The following RAP1GDS1 variants were observed in gnomAD, a reference collection of about 807,000 sequenced individuals.
RAP1GDS1 encodes Rap1 GTPase-GDP dissociation stimulator 1.
Under a neutral mutation model 71.1 loss-of-function variants are expected in RAP1GDS1, and 35 were observed. The observed-to-expected ratio is 0.49, with a 90% CI of 0.38 to 0.65. The LOEUF (loss-of-function observed/expected upper bound fraction) is 0.65, where lower values mean the gene tolerates loss of function less well. Among genes scored for constraint, RAP1GDS1 ranks in the 30% least tolerant of loss-of-function variants. The pLI, the probability that RAP1GDS1 is intolerant of heterozygous loss-of-function variation, is 0.00. For missense variants in RAP1GDS1, 663 were observed against 706.1 expected, an observed-to-expected ratio of 0.94 and a Z score of 0.69; for synonymous variants, 229 against 243.1, an observed-to-expected ratio of 0.94 and a Z score of 0.54.
intron 1 of RAP1GDS1, among the ~76,000 whole-genome samples, chr4:98,267,642 C>T (rs1722881249): frequency 6.6e-6 from 1 of 152,158 alleles, no homozygotes; most frequent in African/African-American, 2.4e-5. Flanking sequence ...ATAGTGGCCT[C>T]CAGCTCCATC....
chr4:98,273,829 A>T (rs993726331), intron 1 of RAP1GDS1, among the ~76,000 whole-genome samples: 1 of 152,154 alleles, frequency 6.6e-6, no homozygotes, highest in Non-Finnish European at 1.5e-5. Context: ...TTAGTATGCA[A>T]TTACATTGCA....
chr4:98,399,828 T>A lies in RAP1GDS1; in HGVS notation c.638-4649T>A, dbSNP rs75838373. Among the ~76,000 whole-genome samples the A allele has an allele frequency of 5.0e-3, 760 of 152,224 alleles. 7 individuals carry two copies. Among genetic ancestry groups the A allele is most frequent in the South Asian group, 0.018 (87 of 4,820 alleles). ...GAAAAAAGAACTCACACTGGGAGTGTCAACTAGCACAGCCACTAGGGAGGT... is the reference window on the plus strand; with the variant it reads ...GAAAAAAGAACTCACACTGGGAGTGACAACTAGCACAGCCACTAGGGAGGT... On this transcript the variant is annotated intron_variant, in intron 6 of 14. Transcript: ENST00000408927.
At chr4:98,305,023 C>T (rs187573975) in intron 2 of RAP1GDS1, among the ~76,000 whole-genome samples, 2 of 152,164 alleles carry the variant, frequency 1.3e-5, no homozygotes, top group Non-Finnish European at 2.9e-5. Context: ...TCTTATTGGT[C>T]TGTGTGTCTG....
chr4:98,323,645 CAT>C (rs1459014365), intron 2 of RAP1GDS1, among the ~76,000 whole-genome samples: 20 of 124,910 alleles, frequency 1.6e-4, no homozygotes, highest in Admixed American at 5.2e-4. Context: ...TGTAATCCAG[CAT>C]ATAAACAGAG....
intron 10 of RAP1GDS1, 46 bp downstream of exon 10, chr4:98,418,837 T>G (rs372187603): frequency 1.1e-5 from 16 of 1,493,752 alleles, no homozygotes; most frequent in Non-Finnish European, 1.3e-5. Flanking sequence ...ATAAAATCCA[T>G]CATTTGGGGA....
At chr4:98,312,568 G>T (rs1048592374) in intron 2 of RAP1GDS1, among the ~76,000 whole-genome samples, 3 of 152,050 alleles carry the variant, frequency 2.0e-5, no homozygotes, top group African/African-American at 4.8e-5. Context: ...TATTTGTGTG[G>T]TACGTTTGTG....
At chr4:98,427,221 A>C (rs182364353) in intron 12 of RAP1GDS1, among the ~76,000 whole-genome samples, 1 of 152,180 alleles carries the variant, frequency 6.6e-6, no homozygotes, top group African/African-American at 2.4e-5. Flanking sequence ...ATACCTCAAT[A>C]TAATAAAAGC....
At chr4:98,269,009 CAAG>C (rs777998050) in intron 1 of RAP1GDS1, among the ~76,000 whole-genome samples, 6 of 151,718 alleles carry the variant, frequency 4.0e-5, no homozygotes, top group Non-Finnish European at 8.8e-5. Flanking sequence ...TAATCTTGAG[CAAG>C]AAGAACAAGG....
chr4:98,291,980 C>CA lies in RAP1GDS1; in HGVS notation c.5-1427dup, dbSNP rs1727015418. Among the ~76,000 whole-genome samples, 12 of 152,256 alleles carry CA rather than the reference C, an allele frequency of 7.9e-5. No individual in the cohort carries two copies. The South Asian group carries it at 2.5e-3, about 32-fold the overall frequency. On this transcript the variant is annotated intron_variant, in intron 1 of 14. Coordinates refer to ENST00000408927, the MANE Select transcript of RAP1GDS1 (RefSeq NM_001100427.2). ...TATCTGAAAAGGCTGTTAAAATACT[C>CA]ACGTGTTTTCCAACTACGTATATAT... is the stretch of plus-strand genomic sequence containing the variant.
intron 2 of RAP1GDS1, among the ~76,000 whole-genome samples, chr4:98,337,257 C>T (rs970527277): frequency 6.6e-6 from 1 of 152,232 alleles, no homozygotes; most frequent in African/African-American, 2.4e-5. Context: ...CATTTAATCA[C>T]TGCCTCAGTT....
chr4:98,438,056 T>C (rs1751386636), intron 14 of RAP1GDS1, among the ~76,000 whole-genome samples: 2 of 152,126 alleles, frequency 1.3e-5, no homozygotes. Context: ...CTATTTCTCC[T>C]TTCAGTTCTG....
intron 4 of RAP1GDS1, among the ~76,000 whole-genome samples, chr4:98,363,511 G>T (rs2110447786): frequency 7.4e-6 from 1 of 134,428 alleles, no homozygotes; most frequent in South Asian, 2.3e-4. Context: ...AAAAAGTGTA[G>T]TAATTGTAAA....
intron 12 of RAP1GDS1, among the ~76,000 whole-genome samples, chr4:98,425,372 A>T (rs1749468217): frequency 6.6e-6 from 1 of 152,220 alleles, no homozygotes; most frequent in African/African-American, 2.4e-5. Flanking sequence ...TGATGAATGG[A>T]ATAGTACCTC....
At chr4:98,376,397 G>A (rs1410113487) in intron 4 of RAP1GDS1, among the ~76,000 whole-genome samples, 1 of 151,952 alleles carries the variant, frequency 6.6e-6, no homozygotes, top group Non-Finnish European at 1.5e-5. Flanking sequence ...AAGGTATAGA[G>A]TTAACTATGG....
At chr4:98,390,193 G>C (rs1400450682) in intron 5 of RAP1GDS1, among the ~76,000 whole-genome samples, 1 of 152,058 alleles carries the variant, frequency 6.6e-6, no homozygotes, top group Non-Finnish European at 1.5e-5. Context: ...CTTGGTGCAT[G>C]ATTATTACAA....
At chr4:98,404,955 C>T (rs1745915829) in intron 7 of RAP1GDS1, among the ~76,000 whole-genome samples, 1 of 152,164 alleles carries the variant, frequency 6.6e-6, no homozygotes, top group South Asian at 2.1e-4. Context: ...AGTGAAGATA[C>T]TGGTTAATCA....
chr4:98,301,418 T>A (rs1578359423), intron 2 of RAP1GDS1, among the ~76,000 whole-genome samples: 1 of 152,180 alleles, frequency 6.6e-6, no homozygotes, highest in South Asian at 2.1e-4. Flanking sequence ...AGGATGGTGG[T>A]GGCCTCCTAA....
At chr4:98,411,451 A>AG (rs1470797123) in intron 7 of RAP1GDS1, among the ~76,000 whole-genome samples, 3 of 152,152 alleles carry the variant, frequency 2.0e-5, no homozygotes, top group Non-Finnish European at 2.9e-5. Flanking sequence ...CCTGTCTCAA[A>AG]AAAAAAAATT....
chr4:98,323,901 T>C (rs1173684127), intron 2 of RAP1GDS1, among the ~76,000 whole-genome samples: 1 of 138,738 alleles, frequency 7.2e-6, no homozygotes, highest in Non-Finnish European at 1.6e-5. Context: ...CTATTCAACA[T>C]AGTGTTGGAA....
Sources: allele counts gnomAD v4.1 joint callset (sites outside exome capture counted in the v4.1 genomes callset), GRCh38; gene constraint gnomAD v4.1.1; transcripts MANE v1.5; gene names NCBI Gene and HGNC (gene_info 2026-07-23, HGNC 2026-07-21).